The following ADGRL3 variants were observed in gnomAD, a reference collection of about 807,000 sequenced individuals.
ADGRL3 encodes calcium-independent alpha-latrotoxin receptor 3.
ADGRL3 carries 62 observed loss-of-function variants against 153.5 expected under a neutral mutation model. The ratio of observed to expected loss-of-function variants is 0.40; its 90% CI spans 0.33 to 0.50. ADGRL3 has a LOEUF of 0.50. Among genes scored for constraint, ADGRL3 ranks in the 20% least tolerant of loss-of-function variants. The pLI is 0.47. For missense variants in ADGRL3, 1,641 were observed against 1,859.4 expected, an observed-to-expected ratio of 0.88 and a Z score of 2.16; for synonymous variants, 710 against 672.5, an observed-to-expected ratio of 1.06 and a Z score of -0.86.
intron 1 of ADGRL3, among the ~76,000 whole-genome samples, chr4:61,317,030 A>G (rs2150665794): frequency 6.6e-6 from 1 of 152,328 alleles, no homozygotes; most frequent in Admixed American, 6.5e-5. Flanking sequence ...TTAAGCTTCC[A>G]CCAATACTTA....
intron 1 of ADGRL3, among the ~76,000 whole-genome samples, chr4:61,214,870 C>G (rs1741900315): frequency 6.6e-6 from 1 of 152,024 alleles, no homozygotes; most frequent in African/African-American, 2.4e-5. Context: ...CTGGGGAGTT[C>G]CAGGCTGCAG....
rs773015948 is a variant in ADGRL3 at position 61,947,142 on chromosome 4, G to T, written c.2628+20G>T. ...ATCAAGGTAAGAAAATGGCATATTA[G>T]CTTGGTTGTTCATATTATCTGTATT... On this transcript the variant is annotated intron_variant, in intron 16 of 26. Transcript: ENST00000683033. The T allele has an allele frequency of 6.3e-7, 1 of 1,577,574 alleles. No homozygotes were observed. The highest frequency in any genetic ancestry group is 8.7e-7 in the Non-Finnish European group (1 of 1,147,474).
intron 2 of ADGRL3, among the ~76,000 whole-genome samples, chr4:61,484,645 A>G (rs1227233376): frequency 6.6e-6 from 1 of 152,040 alleles, no homozygotes; most frequent in Non-Finnish European, 1.5e-5. Flanking sequence ...CCTATTAAGA[A>G]CCCTTCAAAA....
chr4:61,319,229 A>G (rs1382616715), intron 1 of ADGRL3, among the ~76,000 whole-genome samples: 3 of 152,172 alleles, frequency 2.0e-5, no homozygotes, highest in African/African-American at 7.2e-5. Flanking sequence ...ACACCACTCA[A>G]TGAAAATACA....
intron 1 of ADGRL3, among the ~76,000 whole-genome samples, chr4:61,233,100 CATT>C (rs1280878988): frequency 1.3e-5 from 2 of 152,210 alleles, no homozygotes; most frequent in South Asian, 2.1e-4. Flanking sequence ...AGGAAAAAGT[CATT>C]ATCCAGTTTA....
At chr4:61,353,459 A>G (rs1478032429) in intron 1 of ADGRL3, among the ~76,000 whole-genome samples, 2 of 152,148 alleles carry the variant, frequency 1.3e-5, no homozygotes, top group Non-Finnish European at 2.9e-5. Context: ...AGCTTTGTAC[A>G]GATGTGGATT....
intron 8 of ADGRL3, among the ~76,000 whole-genome samples, chr4:61,747,165 T>C (rs924907784): frequency 2.0e-5 from 3 of 151,860 alleles, no homozygotes; most frequent in Admixed American, 2.0e-4. Flanking sequence ...CAGGAAGAAG[T>C]TGAATCTCTG....
chr4:61,308,934 A>G (rs995069895), intron 1 of ADGRL3, among the ~76,000 whole-genome samples: 4 of 152,138 alleles, frequency 2.6e-5, no homozygotes, highest in African/African-American at 9.6e-5. Context: ...ATATGATACT[A>G]TTTGGCCACT....
At chr4:61,856,952 CTT>C (rs1187473608) in intron 9 of ADGRL3, among the ~76,000 whole-genome samples, 3 of 33,960 alleles carry the variant, frequency 8.8e-5, no homozygotes, top group Non-Finnish European at 1.7e-4. Flanking sequence ...TTCTTCTTCT[CTT>C]TCTTTCTTTC....
At chr4:61,582,117 G>T (rs1378460888) in intron 4 of ADGRL3, among the ~76,000 whole-genome samples, 4 of 151,932 alleles carry the variant, frequency 2.6e-5, no homozygotes, top group African/African-American at 7.2e-5. Flanking sequence ...GACAAATAGG[G>T]CAGTCTGAAG....
At position 61,733,400 on chromosome 4, in the gene ADGRL3, A is replaced by G. The variant is rs776452094; in HGVS notation, c.1245A>G (p.Gln415=). The G allele has an allele frequency of 4.3e-6, 7 of 1,613,792 alleles. No homozygotes were observed. The South Asian group carries it at 7.7e-5, about 18-fold the overall frequency. ...TTGACTACATTTACAACACTGACCAAAGCAAGGATAGTTTGGTGGATGTAC... is the reference window on the plus strand; with the variant it reads ...TTGACTACATTTACAACACTGACCAGAGCAAGGATAGTTTGGTGGATGTAC... ...NKIDYIYNTD[Q]SKDSLVDVPF... The change falls in exon 8 of 27, where the codon CAA becomes CAG. Residue 415 remains glutamine (Q), a synonymous_variant. Transcript: ENST00000683033.
intron 2 of ADGRL3, among the ~76,000 whole-genome samples, chr4:61,462,234 C>T (rs1405076136): frequency 6.6e-6 from 1 of 152,166 alleles, no homozygotes; most frequent in African/African-American, 2.4e-5. Context: ...AGCCAGAAAG[C>T]TTCTGGATCC....
intron 1 of ADGRL3, among the ~76,000 whole-genome samples, chr4:61,362,936 T>G (rs1461544547): frequency 6.6e-6 from 1 of 152,168 alleles, no homozygotes; most frequent in African/African-American, 2.4e-5. Flanking sequence ...TTTCAAAGCT[T>G]TGTATAGCCA....
intron 9 of ADGRL3, among the ~76,000 whole-genome samples, chr4:61,858,032 A>G (rs900388629): frequency 6.6e-6 from 1 of 152,192 alleles, no homozygotes; most frequent in Admixed American, 6.6e-5. Flanking sequence ...AAGGTCACAA[A>G]TGACTTCTCA....
At chr4:61,729,941 T>C (rs533617413) in intron 6 of ADGRL3, among the ~76,000 whole-genome samples, 2 of 152,162 alleles carry the variant, frequency 1.3e-5, no homozygotes, top group South Asian at 4.1e-4. Flanking sequence ...TTTCTAAACC[T>C]TCTGATAATG....
At chr4:62,037,568 T>C (rs1285565554) in intron 23 of ADGRL3, among the ~76,000 whole-genome samples, 163 bp from the exon 24 acceptor site, 1 of 152,100 alleles carries the variant, frequency 6.6e-6, no homozygotes, top group African/African-American at 2.4e-5. Context: ...AGTATGAATA[T>C]AATTATGTTG....
intron 8 of ADGRL3, among the ~76,000 whole-genome samples, chr4:61,746,318 G>T (rs769299480): frequency 6.6e-6 from 1 of 151,020 alleles, no homozygotes; most frequent in African/African-American, 2.4e-5. Context: ...AGTTAAAAAG[G>T]ATACCCAGGA....
chr4:61,996,241 G>A, intron 19 of ADGRL3, 50 bp from the exon 20 acceptor site: 1 of 1,183,486 alleles, frequency 8.4e-7, no homozygotes, highest in Non-Finnish European at 1.3e-6. Context: ...CTTGATGTAT[G>A]TCCCATACCC....
rs114881779 is a variant in ADGRL3, at chr4:62,008,296, G to C, written c.3395+10031G>C. Among the ~76,000 whole-genome samples the C allele has an allele frequency of 3.0e-3, 460 of 152,102 alleles. 3 individuals are homozygous for C. Among genetic ancestry groups the C allele is most frequent in the African/African-American group, 0.01 (429 of 41,468 alleles). ...TGTTACAGTCTCTTCCTTTTAATTT[G>C]GTAAGAATACACAATTAGTTGATAT... On this transcript the variant is annotated intron_variant, in intron 21 of 26. Coordinates refer to ENST00000683033, the MANE Select transcript of ADGRL3 (RefSeq NM_001387552.1).
Sources: gnomAD v4.1 joint callset for allele counts (sites outside exome capture counted in the v4.1 genomes callset) on GRCh38, gnomAD v4.1.1 for gene constraint, MANE v1.5 for transcripts, NCBI Gene and HGNC (gene_info 2026-07-23, HGNC 2026-07-21) for gene names.